PDE4B: variants seen among roughly 807,000 people sequenced by gnomAD.
PDE4B encodes the protein 3',5'-cyclic-AMP phosphodiesterase 4B.
Under a neutral mutation model 82.2 loss-of-function variants are expected in PDE4B, and 20 were observed. The ratio of observed to expected loss-of-function variants is 0.24; its 90% CI spans 0.17 to 0.35. PDE4B has a LOEUF of 0.35. Among genes scored for constraint, PDE4B ranks in the 10% least tolerant of loss-of-function variants. PDE4B has a pLI of 1.00. For missense variants in PDE4B, 655 were observed against 907.2 expected, an observed-to-expected ratio of 0.72 and a Z score of 3.57; for synonymous variants, 320 against 318.9, an observed-to-expected ratio of 1.00 and a Z score of -0.04.
rs143947422 is a variant in PDE4B, at chr1:66,011,474, G to T, written c.281+92639G>T. Among the ~76,000 whole-genome samples the T allele has an allele frequency of 7.9e-5, 12 of 152,126 alleles. No homozygotes were observed. The East Asian group carries it at 1.7e-3, about 22-fold the overall frequency. On this transcript the variant is annotated intron_variant, in intron 3 of 16. Transcript: ENST00000341517. The stretch of plus-strand genomic sequence containing the variant: ...TCTTTTTACCCTGTGCTACAGCAAG[G>T]CTAGTGAAACAAGAGCAACATGAAT...
chr1:65,993,396 C>T (rs1036355321), intron 3 of PDE4B, among the ~76,000 whole-genome samples: 2 of 152,140 alleles, frequency 1.3e-5, no homozygotes, highest in Non-Finnish European at 2.9e-5. Context: ...TATCAGAATA[C>T]ATAGCTAATT....
intron 3 of PDE4B, among the ~76,000 whole-genome samples, chr1:66,228,798 A>G (rs984964881): frequency 6.6e-6 from 1 of 152,158 alleles, no homozygotes; most frequent in African/African-American, 2.4e-5. Context: ...CCTCAAAGCC[A>G]TACTATTGCT....
At chr1:65,888,997 G>A (rs3009868) in intron 1 of PDE4B, among the ~76,000 whole-genome samples, 74,062 of 151,832 alleles carry the variant, frequency 0.49, 18,327 homozygotes, top group African/African-American at 0.53. Context: ...GTGAGAGTGG[G>A]CATCCTTGTC....
chr1:66,224,946 C>A (rs1468851829), intron 3 of PDE4B, among the ~76,000 whole-genome samples: 1 of 152,186 alleles, frequency 6.6e-6, no homozygotes, highest in Non-Finnish European at 1.5e-5. Flanking sequence ...GAAGAAATCA[C>A]AAGAGAGCTA....
chr1:66,175,081 A>C (rs1036415905), intron 3 of PDE4B, among the ~76,000 whole-genome samples: 1 of 152,198 alleles, frequency 6.6e-6, no homozygotes, highest in Non-Finnish European at 1.5e-5. Flanking sequence ...CTCAACACAT[A>C]AGAATTACAA....
chr1:66,151,333 G>C (rs985889325), intron 3 of PDE4B, among the ~76,000 whole-genome samples: 6 of 152,208 alleles, frequency 3.9e-5, no homozygotes, highest in Admixed American at 6.5e-5. Context: ...TCTGGTTAAT[G>C]GCTCTTCCTA....
At chr1:66,164,755 C>CTTTTTTTTTTTTTTTTTTTT (rs145224852) in intron 3 of PDE4B, among the ~76,000 whole-genome samples, 1 of 87,874 alleles carries the variant, frequency 1.1e-5, no homozygotes, top group Non-Finnish European at 2.1e-5. Context: ...CTTTTCTTTT[C>CTTTTTTTTTTTTTTTTTTTT]TTTTTTTTTT....
chr1:66,269,699 C>A (rs991094137), intron 7 of PDE4B, among the ~76,000 whole-genome samples: 2 of 152,142 alleles, frequency 1.3e-5, no homozygotes, highest in African/African-American at 4.8e-5. Flanking sequence ...TCCATTCCAT[C>A]CTATCCTTTG....
chr1:66,329,273 G>A (rs1374323085), intron 7 of PDE4B, among the ~76,000 whole-genome samples: 1 of 152,130 alleles, frequency 6.6e-6, no homozygotes, highest in African/African-American at 2.4e-5. Context: ...TTAACAATGG[G>A]GAAATTAGGA....
chr1:65,844,607 G>C (rs528849377), intron 1 of PDE4B, among the ~76,000 whole-genome samples: 1 of 152,130 alleles, frequency 6.6e-6, no homozygotes, highest in East Asian at 1.9e-4. Flanking sequence ...TGAGTTTCTT[G>C]TAATTTATTT....
chr1:66,185,646 G>A (rs936427579), intron 3 of PDE4B, among the ~76,000 whole-genome samples: 1 of 152,208 alleles, frequency 6.6e-6, no homozygotes. Flanking sequence ...CTTCTTTTGA[G>A]AAGTGTCTGT....
chr1:66,327,912 C>G (rs1659847392), intron 7 of PDE4B, among the ~76,000 whole-genome samples: 1 of 152,216 alleles, frequency 6.6e-6, no homozygotes, highest in South Asian at 2.1e-4. Flanking sequence ...TAAACTGAAT[C>G]CTCTGTTTCA....
chr1:66,033,069 T>C (rs1653878339), intron 3 of PDE4B, among the ~76,000 whole-genome samples: 1 of 152,206 alleles, frequency 6.6e-6, no homozygotes, highest in Non-Finnish European at 1.5e-5. Flanking sequence ...ATTTATGATA[T>C]TAAAAAGTAA....
chr1:65,914,431 T>C (rs1647133069), intron 2 of PDE4B, among the ~76,000 whole-genome samples: 2 of 151,832 alleles, frequency 1.3e-5, no homozygotes, highest in African/African-American at 4.8e-5. Context: ...ATGTGTTCTG[T>C]TCTGTCACTT....
At chr1:66,265,451 C>G (rs763486275) in intron 6 of PDE4B, among the ~76,000 whole-genome samples, 8 of 152,200 alleles carry the variant, frequency 5.3e-5, no homozygotes, top group Non-Finnish European at 1.2e-4. Flanking sequence ...TAACCCCTGA[C>G]ATCAGCAGGC....
intron 7 of PDE4B, among the ~76,000 whole-genome samples, chr1:66,294,470 T>G (rs1173638290): frequency 6.6e-6 from 1 of 152,170 alleles, no homozygotes; most frequent in Non-Finnish European, 1.5e-5. Flanking sequence ...AGTGAATTTT[T>G]TTGGTTTTCT....
chr1:66,182,119 T>C (rs1228194675), intron 3 of PDE4B, among the ~76,000 whole-genome samples: 1 of 152,180 alleles, frequency 6.6e-6, no homozygotes. Context: ...TCTTTCTTTT[T>C]GGTTTTATTT....
chr1:65,992,620 T>G lies in PDE4B; in HGVS notation c.281+73785T>G. ...TGAATGAATTCAGTGAGTGTCAGTG[T>G]GTAGCTTGCAGACAAACCTCATCCA... On this transcript the variant is annotated intron_variant, in intron 3 of 16. Transcript: ENST00000341517. 3 of 532,276 alleles carry G rather than the reference T, an allele frequency of 5.6e-6. No homozygotes were observed. The South Asian group carries it at 1.7e-4, about 29-fold the overall frequency. 33.0% of individuals were successfully genotyped at this position (532,276 alleles called of 1,614,324 possible).
intron 7 of PDE4B, chr1:66,331,971 T>C (rs1305082314): frequency 2.0e-6 from 2 of 1,015,346 alleles, no homozygotes; most frequent in Non-Finnish European, 2.4e-6. Context: ...ATCCTCAGGA[T>C]GAATGACTGC....
Sources: gnomAD v4.1 joint callset for allele counts (sites outside exome capture counted in the v4.1 genomes callset) on GRCh38, gnomAD v4.1.1 for gene constraint, MANE v1.5 for transcripts, NCBI Gene and HGNC (gene_info 2026-07-23, HGNC 2026-07-21) for gene names.